Variants in ULK4 observed in about 807,000 individuals in gnomAD.
The protein encoded by ULK4 is unc-51 like kinase 4.
Under a neutral mutation model 160.6 loss-of-function variants are expected in ULK4, and 133 were observed. The observed-to-expected ratio is 0.83, with a 90% CI of 0.72 to 0.96. The LOEUF is 0.96. ULK4 is among the 40% of genes least tolerant of loss of function. The pLI is 0.00. For missense variants in ULK4, 1,580 were observed against 1,499.5 expected, an observed-to-expected ratio of 1.05 and a Z score of -0.89; for synonymous variants, 534 against 539.8, an observed-to-expected ratio of 0.99 and a Z score of 0.15.
intron 18 of ULK4, among the ~76,000 whole-genome samples, chr3:41,823,595 C>T (rs2041223814): frequency 6.6e-6 from 1 of 152,158 alleles, no homozygotes; most frequent in African/African-American, 2.4e-5. Flanking sequence ...TAGGGTGTTA[C>T]TAGAGAGCCA....
Position 41,935,811 on chromosome 3 carries a change from G to A in ULK4, c.368C>T (p.Ser123Phe), listed in dbSNP as rs1287659875. 163 of 1,609,560 alleles carry A rather than the reference G, an allele frequency of 1.0e-4. No homozygotes were observed. The highest frequency in any genetic ancestry group is 1.2e-4 in the Non-Finnish European group (146 of 1,178,606). The change falls in exon 4 of 37, where the codon TCT becomes TTT. Residue 123 changes from serine (S) to phenylalanine (F), a missense_variant. Physicochemically the swap from Ser to Phe is radical, Grantham distance 155. Coordinates refer to ENST00000301831, the MANE Select transcript of ULK4 (RefSeq NM_017886.4). ...HKLGILFCDI[S>F]PRKILLEGPG... ...ACTTTCATGAATTACCTTCCTAGGA[G>A]AAATGTCACAAAAGAGAATGCCAAG...
chr3:41,808,854 A>C (rs1043974845), intron 19 of ULK4, among the ~76,000 whole-genome samples: 15 of 152,308 alleles, frequency 9.8e-5, no homozygotes, highest in African/African-American at 3.6e-4. Context: ...GTTCTTGTCT[A>C]CACAGTCGCT....
chr3:41,617,382 T>C lies in ULK4; in HGVS notation c.3072-1665A>G, dbSNP rs1054574873. Reference sequence around the variant, plus strand: ...TCATACAGGAGAGCTCTGGCTGGCATCAGGCCGGTGCCCCTCTGGGACAAA... The same window carrying C: ...TCATACAGGAGAGCTCTGGCTGGCACCAGGCCGGTGCCCCTCTGGGACAAA... On this transcript the variant is annotated intron_variant, in intron 30 of 36. Coordinates refer to ENST00000301831, the MANE Select transcript of ULK4 (RefSeq NM_017886.4). 6.6e-5 allele frequency among the ~76,000 whole-genome samples: 10 copies of C among 152,314 alleles called. No homozygotes were observed. The South Asian group carries it at 2.1e-3, about 32-fold the overall frequency.
intron 32 of ULK4, among the ~76,000 whole-genome samples, chr3:41,547,009 A>C (rs1482431790): frequency 6.6e-6 from 1 of 152,216 alleles, no homozygotes; most frequent in Non-Finnish European, 1.5e-5. Context: ...GGTTGCTTGA[A>C]AACAGTTGCT....
intron 35 of ULK4, among the ~76,000 whole-genome samples, chr3:41,360,304 T>C (rs1294548384): frequency 1.3e-5 from 2 of 152,214 alleles, no homozygotes; most frequent in African/African-American, 2.4e-5. Context: ...GGAATGCTTT[T>C]ATACCGTTGG....
chr3:41,395,707 G>A (rs561320260), intron 35 of ULK4, among the ~76,000 whole-genome samples: 3 of 152,200 alleles, frequency 2.0e-5, no homozygotes, highest in Admixed American at 6.5e-5. Flanking sequence ...TAATAGTGAT[G>A]GTTGCACAAC....
intron 17 of ULK4, among the ~76,000 whole-genome samples, chr3:41,851,147 C>G (rs960615613): frequency 2.0e-5 from 3 of 152,146 alleles, no homozygotes; most frequent in African/African-American, 7.2e-5. Flanking sequence ...GCGTCCCTGT[C>G]TTGTGCCAGT....
chr3:41,579,731 A>G (rs1215928229), intron 31 of ULK4, among the ~76,000 whole-genome samples: 1 of 151,846 alleles, frequency 6.6e-6, no homozygotes, highest in Non-Finnish European at 1.5e-5. Flanking sequence ...TGACCTCGTG[A>G]TCCGCCCGTC....
chr3:41,893,192 T>C (rs1380457500), intron 16 of ULK4, among the ~76,000 whole-genome samples: 1 of 152,184 alleles, frequency 6.6e-6, no homozygotes, highest in African/African-American at 2.4e-5. Flanking sequence ...TTTAAGATGA[T>C]GAAAAAGTTT....
chr3:41,282,615 G>T (rs1158762537), intron 35 of ULK4, among the ~76,000 whole-genome samples: 2 of 152,144 alleles, frequency 1.3e-5, no homozygotes, highest in Non-Finnish European at 2.9e-5. Flanking sequence ...AGCTGAAACT[G>T]GATCCCTTCC....
chr3:41,827,319 C>T (rs139223850), intron 18 of ULK4, among the ~76,000 whole-genome samples: 1,648 of 151,662 alleles, frequency 0.011, 14 homozygotes, highest in Non-Finnish European at 0.017. Flanking sequence ...CAGAGCAGAA[C>T]TGAAGGAGAC....
intron 34 of ULK4, among the ~76,000 whole-genome samples, chr3:41,400,050 ATTTGTAGG>A (rs2082147171): frequency 6.6e-6 from 1 of 152,094 alleles, no homozygotes; most frequent in African/African-American, 2.4e-5. Context: ...ATTTTGAGAT[ATTTGTAGG>A]TTTGTAGGTT....
At chr3:41,712,762 C>T (rs2037142932) in intron 25 of ULK4, among the ~76,000 whole-genome samples, 1 of 152,082 alleles carries the variant, frequency 6.6e-6, no homozygotes, top group Non-Finnish European at 1.5e-5. Context: ...CATGGTGGCA[C>T]ACACCTATAG....
intron 18 of ULK4, among the ~76,000 whole-genome samples, chr3:41,824,693 G>C (rs1032574765): frequency 6.6e-6 from 1 of 152,158 alleles, no homozygotes; most frequent in Non-Finnish European, 1.5e-5. Flanking sequence ...GGAGCCCACC[G>C]CAGTTCAAGG....
At chr3:41,654,227 T>G (rs1216920686) in intron 30 of ULK4, among the ~76,000 whole-genome samples, 5 of 152,208 alleles carry the variant, frequency 3.3e-5, no homozygotes, top group Non-Finnish European at 7.3e-5. Context: ...TTATAAATTG[T>G]GGATTTCTCT....
chr3:41,902,395 T>C (rs1033495871), intron 12 of ULK4, among the ~76,000 whole-genome samples: 2 of 151,976 alleles, frequency 1.3e-5, no homozygotes, highest in Non-Finnish European at 2.9e-5. Flanking sequence ...CTGACCAACA[T>C]GGTGAAACAC....
rs549193789 is a variant in ULK4 at position 41,934,675 on chromosome 3, G to C, written c.378+1126C>G. Among the ~76,000 whole-genome samples the C allele has an allele frequency of 5.9e-5, 9 of 152,252 alleles. No homozygotes were observed. The South Asian group carries it at 1.0e-3, about 18-fold the overall frequency. ...TGGCTTCTAAGTGTTAGTGTTGATT[G>C]CAACTCAGAAACCAAGTAGGTTTCA... On this transcript the variant is annotated intron_variant, in intron 4 of 36. Transcript: ENST00000301831.
chr3:41,328,861 C>T (rs2080388202), intron 35 of ULK4, among the ~76,000 whole-genome samples: 3 of 152,142 alleles, frequency 2.0e-5, no homozygotes, highest in Non-Finnish European at 2.9e-5. Context: ...TATGTGGGTT[C>T]AGACACATGA....
chr3:41,634,202 G>A (rs898996012), intron 30 of ULK4, among the ~76,000 whole-genome samples: 8 of 152,134 alleles, frequency 5.3e-5, no homozygotes, highest in East Asian at 1.9e-4. Flanking sequence ...CTTCACATGG[G>A]GAACTTGCTT....
Sources: allele counts gnomAD v4.1 joint callset (sites outside exome capture counted in the v4.1 genomes callset), GRCh38; gene constraint gnomAD v4.1.1; transcripts MANE v1.5; gene names NCBI Gene and HGNC (gene_info 2026-07-23, HGNC 2026-07-21).